The following VDR variants were observed in gnomAD, a reference collection of about 807,000 sequenced individuals.
The protein encoded by VDR is vitamin D3 receptor.
In VDR, 19 loss-of-function variants were observed where a neutral mutation model predicts 39.7. That is an observed-to-expected ratio of 0.48 (90% CI 0.33 to 0.70). The LOEUF (loss-of-function observed/expected upper bound fraction) is 0.70. Among genes scored for constraint, VDR ranks in the 30% least tolerant of loss-of-function variants. VDR has a pLI of 0.02. For missense variants in VDR, 442 were observed against 570.5 expected, an observed-to-expected ratio of 0.77 and a Z score of 2.29; for synonymous variants, 242 against 215.8, an observed-to-expected ratio of 1.12 and a Z score of -1.07.
At chr12:47,887,038 G>A (rs1356316727) in intron 1 of VDR, among the ~76,000 whole-genome samples, 5 of 152,262 alleles carry the variant, frequency 3.3e-5, no homozygotes, top group South Asian at 2.1e-4. Flanking sequence ...CTGGCCGGGC[G>A]CGGTGGCTCA....
At chr12:47,904,547 T>TA (rs1244111054) in intron 1 of VDR, 2 of 1,472,652 alleles carry the variant, frequency 1.4e-6, no homozygotes, top group African/African-American at 3.1e-5. Flanking sequence ...TGTAAGACAA[T>TA]AAATAAGGTT....
chr12:47,894,525 G>A (rs374476059), intron 1 of VDR, among the ~76,000 whole-genome samples: 16 of 152,150 alleles, frequency 1.1e-4, no homozygotes, highest in East Asian at 3.8e-4. Context: ...GCGGTGGTCC[G>A]TCTCCGCCCC....
At chr12:47,892,823 C>T (rs1292563297) in intron 1 of VDR, among the ~76,000 whole-genome samples, 1 of 152,200 alleles carries the variant, frequency 6.6e-6, no homozygotes, top group African/African-American at 2.4e-5. Flanking sequence ...GCCTCTGCCT[C>T]ATCTTGGTGA....
Position 47,844,636 on chromosome 12 carries a change from G to A in VDR, c.*110C>T. On this transcript the variant is annotated 3_prime_UTR_variant, in exon 10 of 10. Transcript: ENST00000549336. The stretch of plus-strand genomic sequence containing the variant: ...GGATAGGGGAGGTGGCAGAGGAGGG[G>A]CTGAACCCCAGACGGGGTGAGGAGG... The A allele has an allele frequency of 6.8e-7, 1 of 1,480,036 alleles. No homozygotes were observed. The highest frequency in any genetic ancestry group is 9.3e-7 in the Non-Finnish European group (1 of 1,078,674). The allele number at this position is 1,480,036 out of a possible 1,614,324, so 91.7% of individuals were successfully genotyped here.
intron 7 of VDR, among the ~76,000 whole-genome samples, chr12:47,852,057 T>G (rs1009865680): frequency 6.6e-6 from 1 of 152,184 alleles, no homozygotes; most frequent in Admixed American, 6.5e-5. Flanking sequence ...ATAGGGGCCT[T>G]GAGCATGGGA....
intron 9 of VDR, 107 bp from the exon 10 acceptor site, chr12:47,845,112 C>G (rs1176232831): frequency 1.9e-6 from 3 of 1,548,156 alleles, no homozygotes; most frequent in Non-Finnish European, 2.6e-6. Context: ...GCAGCACCCC[C>G]TAGGCCACCC....
At chr12:47,875,002 CTGG>C (rs1428060289) in intron 3 of VDR, among the ~76,000 whole-genome samples, 13 of 152,296 alleles carry the variant, frequency 8.5e-5, no homozygotes, top group African/African-American at 2.9e-4. Context: ...TATATTCACA[CTGG>C]AAATATCATC....
chr12:47,880,243 T>A (rs1189454231), intron 2 of VDR, among the ~76,000 whole-genome samples: 1 of 152,030 alleles, frequency 6.6e-6, no homozygotes, highest in Non-Finnish European at 1.5e-5. Context: ...AAGAACCCAC[T>A]CCACCCCAGG....
At chr12:47,864,107 G>T (rs1009798807) in intron 4 of VDR, among the ~76,000 whole-genome samples, 2 of 152,172 alleles carry the variant, frequency 1.3e-5, no homozygotes, top group African/African-American at 4.8e-5. Context: ...TCCTAGGGCC[G>T]GGTGGGGGTC....
At chr12:47,852,530 C>A (rs1945407056) in intron 7 of VDR, among the ~76,000 whole-genome samples, 1 of 152,192 alleles carries the variant, frequency 6.6e-6, no homozygotes, top group South Asian at 2.1e-4. Context: ...TGCCTGCCTG[C>A]CAGAGGGGCC....
At chr12:47,850,007 C>T (rs1339045077) in intron 7 of VDR, among the ~76,000 whole-genome samples, 1 of 152,088 alleles carries the variant, frequency 6.6e-6, no homozygotes, top group Non-Finnish European at 1.5e-5. Flanking sequence ...TGTGCCACCA[C>T]ACCTGGCTAA....
intron 3 of VDR, chr12:47,878,711 G>C (rs201276787): frequency 2.0e-5 from 12 of 597,828 alleles, no homozygotes; most frequent in Admixed American, 1.1e-4. Context: ...GGTTACAGGC[G>C]TAATGGAAAG....
In VDR at chr12:47,843,223, C is replaced by A. The variant is rs1945205362; in HGVS notation, c.*1523G>T. On this transcript the variant is annotated 3_prime_UTR_variant, in exon 10 of 10. Coordinates refer to ENST00000549336, the MANE Select transcript of VDR (RefSeq NM_000376.3). ...GGCCAGGTGGACACCAAGGCTCTTG[C>A]AGTGTGAAGTCTGATTCCTCTCTGG... 6.6e-6 allele frequency: 1 copy of A among 152,304 alleles called. No homozygotes were observed. Among genetic ancestry groups the A allele is most frequent in the South Asian group, 2.1e-4 (1 of 4,816 alleles). The allele number at this position is 152,304 out of a possible 1,614,324, so 9.4% of individuals were successfully genotyped here. A position where few individuals can be genotyped will look rare whatever the true frequency, so the allele number is the denominator to read the frequency against.
At chr12:47,849,523 A>G (rs370645417) in intron 7 of VDR, among the ~76,000 whole-genome samples, 6 of 152,370 alleles carry the variant, frequency 3.9e-5, no homozygotes, top group East Asian at 1.9e-4. Context: ...ACCCAGAACC[A>G]GACTTCTCCA....
At chr12:47,864,225 C>A (rs190296711) in intron 4 of VDR, among the ~76,000 whole-genome samples, 1 of 152,354 alleles carries the variant, frequency 6.6e-6, no homozygotes, top group African/African-American at 2.4e-5. Context: ...GAGGGCCAGG[C>A]TGGCCCCTCC....
intron 2 of VDR, among the ~76,000 whole-genome samples, chr12:47,882,056 A>G (rs967194879): frequency 2.6e-5 from 4 of 152,206 alleles, no homozygotes; most frequent in African/African-American, 7.2e-5. Context: ...TCAGCATCAC[A>G]TGGACTCATT....
At chr12:47,895,096 T>C (rs1946441019) in intron 1 of VDR, among the ~76,000 whole-genome samples, 1 of 152,270 alleles carries the variant, frequency 6.6e-6, no homozygotes, top group African/African-American at 2.4e-5. Flanking sequence ...ATTGTTACAC[T>C]CTAAAATTAC....
chr12:47,904,719 C>G (rs1266565585), intron 1 of VDR: 3 of 1,345,508 alleles, frequency 2.2e-6, no homozygotes, highest in Non-Finnish European at 3.0e-6. Context: ...CTCCTAAGCG[C>G]CGAGGATGTC....
At chr12:47,902,855 G>A (rs578094382) in intron 1 of VDR, among the ~76,000 whole-genome samples, 127 of 152,254 alleles carry the variant, frequency 8.3e-4, no homozygotes, top group African/African-American at 2.7e-3. Context: ...TAGCCCACTC[G>A]GTCCCAGGCC....
Sources: allele counts gnomAD v4.1 joint callset (sites outside exome capture counted in the v4.1 genomes callset), GRCh38; gene constraint gnomAD v4.1.1; transcripts MANE v1.5; gene names NCBI Gene and HGNC (gene_info 2026-07-23, HGNC 2026-07-21).